MDN1: variants seen among roughly 807,000 people sequenced by gnomAD.
MDN1 encodes midasin AAA ATPase 1, also known as midasin.
A neutral mutation model predicts 669.2 loss-of-function variants in MDN1; 266 were observed. The ratio of observed to expected loss-of-function variants is 0.40; its 90% CI spans 0.36 to 0.44. MDN1 has a LOEUF of 0.44. Ranked by LOEUF, MDN1 falls within the 20% of genes least tolerant of loss-of-function variation. The pLI is 1.00. For missense variants in MDN1, 5,940 were observed against 6,754.0 expected (o/e 0.88, Z 4.22); for synonymous variants, 2,385 against 2,457.1 (o/e 0.97, Z 0.87).
Position 89,718,707 on chromosome 6 carries a change from CTCAG to C in MDN1, c.6321+56_6321+59del, listed in dbSNP as rs1164170476. Reference sequence around the variant, plus strand: ...GTACTCATCACCAACTCAGAAGACTCTCAGTCAGACCACGGGGTTTATTATGCTT... The same window carrying C: ...GTACTCATCACCAACTCAGAAGACTCTCAGACCACGGGGTTTATTATGCTT... On this transcript the variant is annotated intron_variant, in intron 42 of 101. Coordinates refer to ENST00000369393, the MANE Select transcript of MDN1 (RefSeq NM_014611.3). 3.7e-6 allele frequency: 6 copies of C among 1,608,308 alleles called. No individual in the cohort carries two copies. The African/African-American group carries it at 6.7e-5, about 18-fold the overall frequency.
At chr6:89,652,380 A>G (rs1808942433) in intron 94 of MDN1, 99 bp from the exon 95 acceptor site, 4 of 838,756 alleles carry the variant, frequency 4.8e-6, no homozygotes, top group Non-Finnish European at 7.8e-6. Context: ...CTCAAAGTAC[A>G]TAGTCAAATG....
intron 50 of MDN1, among the ~76,000 whole-genome samples, chr6:89,710,317 C>T (rs974399347): frequency 6.6e-6 from 1 of 151,992 alleles, no homozygotes; most frequent in Admixed American, 6.6e-5. Flanking sequence ...GTTCCAACTC[C>T]TAGATTCTTT....
intron 1 of MDN1, among the ~76,000 whole-genome samples, chr6:89,808,692 C>T (rs923942361): frequency 6.6e-5 from 10 of 152,114 alleles, no homozygotes; most frequent in African/African-American, 2.2e-4. Flanking sequence ...CTCAGTAGGA[C>T]CACCACTGCT....
chr6:89,806,538 G>C (rs1487370099), intron 1 of MDN1, among the ~76,000 whole-genome samples: 3 of 152,128 alleles, frequency 2.0e-5, no homozygotes, highest in South Asian at 4.1e-4. Context: ...CCAACATGGT[G>C]AAACTTTGTC....
chr6:89,651,003 AT>A (rs1428246945), intron 95 of MDN1, among the ~76,000 whole-genome samples, 156 bp from the exon 96 acceptor site: 1 of 152,124 alleles, frequency 6.6e-6, no homozygotes, highest in Non-Finnish European at 1.5e-5. Context: ...CTACCATGTA[AT>A]TTACTTGATT....
intron 12 of MDN1, among the ~76,000 whole-genome samples, chr6:89,776,308 G>T (rs1388020818): frequency 3.9e-5 from 6 of 151,906 alleles, no homozygotes; most frequent in African/African-American, 1.4e-4. Context: ...CTAAAAATAC[G>T]AAATTAGCTG....
intron 59 of MDN1, 43 bp from the exon 60 acceptor site, chr6:89,696,617 C>T (rs762421937): frequency 6.7e-7 from 1 of 1,498,132 alleles, no homozygotes; most frequent in Non-Finnish European, 9.3e-7. Context: ...GAAATTAAGA[C>T]AATTTCCAGA....
At position 89,745,256 on chromosome 6, in the gene MDN1, C is replaced by T; in HGVS notation, c.4178+17G>A. The T allele has an allele frequency of 6.2e-7, 1 of 1,613,212 alleles. No homozygotes were observed. The highest frequency in any genetic ancestry group is 8.5e-7 in the Non-Finnish European group (1 of 1,179,528). On this transcript the variant is annotated intron_variant, in intron 29 of 101. Coordinates refer to ENST00000369393, the MANE Select transcript of MDN1 (RefSeq NM_014611.3). Reference sequence around the variant, plus strand: ...AATTGAAATGAACCCTCATGAGTCACTGTCACAGATCTTTACCCAGTGTCT... The same window carrying T: ...AATTGAAATGAACCCTCATGAGTCATTGTCACAGATCTTTACCCAGTGTCT...
chr6:89,722,806 A>T, intron 40 of MDN1, 149 bp downstream of exon 40: 1 of 670,786 alleles, frequency 1.5e-6, no homozygotes, highest in Non-Finnish European at 2.4e-6. Flanking sequence ...AGATTATGCC[A>T]TTGCACTCCA....
In MDN1 at chr6:89,643,944, T is replaced by C. The variant is rs1450777561; in HGVS notation, c.*61A>G. On this transcript the variant is annotated 3_prime_UTR_variant, in exon 102 of 102. Coordinates refer to ENST00000369393, the MANE Select transcript of MDN1 (RefSeq NM_014611.3). ...TTGTAGTTGTCCAAAAGGGAGCACC[T>C]GGGTAAGCAATGTGACCTTCTGACC... 1.1e-5 allele frequency: 15 copies of C among 1,383,078 alleles called. No individual in the cohort carries two copies. The highest frequency in any genetic ancestry group is 9.7e-7 in the Non-Finnish European group (1 of 1,032,314). The allele number at this position is 1,383,078 out of a possible 1,614,324, so 85.7% of individuals were successfully genotyped here.
At chr6:89,800,915 T>G (rs534475507) in intron 2 of MDN1, among the ~76,000 whole-genome samples, 1 of 152,096 alleles carries the variant, frequency 6.6e-6, no homozygotes, top group Non-Finnish European at 1.5e-5. Context: ...TTGATAGATA[T>G]AGGTAAAAAG....
intron 71 of MDN1, among the ~76,000 whole-genome samples, chr6:89,684,661 C>T (rs1811881776): frequency 6.6e-6 from 1 of 152,206 alleles, no homozygotes; most frequent in Admixed American, 6.5e-5. Context: ...TGAGGAGGCT[C>T]TGACTGGCCA....
At position 89,656,387 on chromosome 6, in the gene MDN1, C is replaced by G. The variant is rs576590702; in HGVS notation, c.15285+313G>C. Among the ~76,000 whole-genome samples the G allele has an allele frequency of 7.2e-5, 11 of 152,176 alleles. No homozygotes were observed. In the East Asian group the frequency reaches 2.1e-3, roughly 29 times the overall value. On this transcript the variant is annotated intron_variant, in intron 91 of 101. Coordinates refer to ENST00000369393, the MANE Select transcript of MDN1 (RefSeq NM_014611.3). Reference sequence around the variant, plus strand: ...AAAAAAAAACTTACTCTTAAAAAAGCAAAAGCCTATGGACAATGAAAAGAG... The same window carrying G: ...AAAAAAAAACTTACTCTTAAAAAAGGAAAAGCCTATGGACAATGAAAAGAG...
At chr6:89,801,289 C>T (rs1261897759) in intron 2 of MDN1, among the ~76,000 whole-genome samples, 1 of 152,044 alleles carries the variant, frequency 6.6e-6, no homozygotes. Flanking sequence ...TTTGGGAGGC[C>T]GAGGCAGGCA....
At position 89,714,750 on chromosome 6, in the gene MDN1, G is replaced by C; in HGVS notation, c.6862C>G (p.Leu2288Val). The C allele has an allele frequency of 6.2e-7, 1 of 1,604,946 alleles. No homozygotes were observed. Among genetic ancestry groups the C allele is most frequent in the Non-Finnish European group, 8.5e-7 (1 of 1,176,528 alleles). Residue 2288 changes from leucine (L) to valine (V), a missense_variant and splice_region_variant, in exon 46 of 102, where the codon CTT (leucine) becomes GTT (valine). Transcript: ENST00000369393. The stretch of plus-strand genomic sequence containing the variant: ...TGAACAGGATCCATCGAGAGGAAAA[G>C]TCTAGAAAAATAGCAATTCAAAGAA... ...PTITPNPNFR[L>V]FLSMDPVHGD...
Position 89,695,542 on chromosome 6 carries a change from T to C in MDN1, c.9771+63A>G. 2 of 1,518,534 alleles carry C rather than the reference T, an allele frequency of 1.3e-6. No homozygotes were observed. The highest frequency in any genetic ancestry group is 1.8e-4 in the Middle Eastern group (1 of 5,594). The allele number at this position is 1,518,534 out of a possible 1,614,324, so 94.1% of individuals were successfully genotyped here. On this transcript the variant is annotated intron_variant, in intron 61 of 101. Coordinates refer to ENST00000369393, the MANE Select transcript of MDN1 (RefSeq NM_014611.3). This position sits in a 1 kb window ranked among gnomAD's most constrained non-coding sequence, Gnocchi z 4.1. Reference sequence around the variant, plus strand: ...ACCCAAAAGGGAATAAAAGGAGTAATACAATAAGCAAACCCAGCACGTCAG... The same window carrying C: ...ACCCAAAAGGGAATAAAAGGAGTAACACAATAAGCAAACCCAGCACGTCAG...
In MDN1 at chr6:89,683,835, G is replaced by A; in HGVS notation, c.11899C>T (p.His3967Tyr). ...CAGTTTTAAAAGATGGATTACCTGTGTGTCTTTTCTACAGATTGCTTAATG... is the reference window on the plus strand; with the variant it reads ...CAGTTTTAAAAGATGGATTACCTGTATGTCTTTTCTACAGATTGCTTAATG... Reference protein sequence around the residue: ...WSIKQSVEKTHRTLFKFMKKF... With the variant: ...WSIKQSVEKTYRTLFKFMKKF... The change falls in exon 72 of 102, where the codon CAC becomes TAC. Residue 3967 changes from histidine to tyrosine, a missense_variant. By Grantham distance (83) the His-to-Tyr change is moderately conservative (BLOSUM62 2). This residue lies in a region of MDN1 where 2,280 missense variants were observed against 2,576.3 expected (regional missense o/e 0.88). Transcript: ENST00000369393. The A allele has an allele frequency of 6.2e-7, 1 of 1,612,160 alleles. No homozygotes were observed. Among genetic ancestry groups the A allele is most frequent in the African/African-American group, 1.3e-5 (1 of 75,008 alleles).
intron 32 of MDN1, among the ~76,000 whole-genome samples, chr6:89,739,708 C>T (rs1342028108): frequency 6.6e-6 from 1 of 152,194 alleles, no homozygotes; most frequent in Non-Finnish European, 1.5e-5. Context: ...ATAGGAACTA[C>T]CCTCTGCCCT....
Position 89,650,212 on chromosome 6 carries a change from TG to T in MDN1, c.16032-15del, listed in dbSNP as rs1348327884. ...CGATAGTCTCCTCTATTTATTCAAA[TG>T]GGGGCAAAAATTAGTTAACAACTTT... On this transcript the variant is annotated splice_polypyrimidine_tract_variant and intron_variant, in intron 96 of 101. Transcript: ENST00000369393. 6.3e-7 allele frequency: 1 copy of T among 1,599,104 alleles called. No individual in the cohort carries two copies. Among genetic ancestry groups the T allele is most frequent in the African/African-American group, 1.4e-5 (1 of 74,028 alleles).
Sources: gnomAD v4.1 joint callset for allele counts (sites outside exome capture counted in the v4.1 genomes callset) on GRCh38, gnomAD v4.1.1 for gene constraint, gnomAD v4.1.1 regional missense constraint, Gnocchi (gnomAD v3.1) non-coding constraint, MANE v1.5 for transcripts, NCBI Gene and HGNC (gene_info 2026-07-23, HGNC 2026-07-21) for gene names.